ROPN1B: variants seen among roughly 807,000 people sequenced by gnomAD.
ROPN1B encodes the protein rhophilin associated tail protein 1B.
Under a neutral mutation model 23.7 loss-of-function variants are expected in ROPN1B, and 13 were observed. The observed-to-expected ratio is 0.55, with a 90% CI of 0.36 to 0.87. The LOEUF is 0.87. Among genes scored for constraint, ROPN1B ranks in the 40% least tolerant of loss-of-function variants. The pLI is 0.01. For synonymous variants in ROPN1B, 67 were observed against 100.4 expected (o/e 0.67, Z 1.99); for missense variants, 183 against 249.2 (o/e 0.73, Z 1.79).
chr3:125,983,190 C>CATATT, intron 6 of ROPN1B, 64 bp from the exon 7 acceptor site: 1 of 1,095,454 alleles, frequency 9.1e-7, no homozygotes, highest in Non-Finnish European at 1.4e-6. Flanking sequence ...GAGTTGTTTG[C>CATATT]ATATTGTCTT....
chr3:125,983,067 G>T (rs557522740), intron 6 of ROPN1B, among the ~76,000 whole-genome samples, 187 bp from the exon 7 acceptor site: 1 of 152,154 alleles, frequency 6.6e-6, no homozygotes, highest in African/African-American at 2.4e-5. Flanking sequence ...GGCAGAGGTT[G>T]CAGTGAGCCG....
In ROPN1B at chr3:125,971,176, T is replaced by G. The variant is rs377301909; in HGVS notation, c.-13+14T>G. 6 of 153,144 alleles carry G rather than the reference T, an allele frequency of 3.9e-5. No homozygotes were observed. The East Asian group carries it at 5.8e-4, about 15-fold the overall frequency. The allele number at this position is 153,144 out of a possible 1,614,324, so 9.5% of individuals were successfully genotyped here. A position where few individuals can be genotyped will look rare whatever the true frequency, so the allele number is the denominator to read the frequency against. On this transcript the variant is annotated intron_variant, in intron 2 of 6. Coordinates refer to ENST00000514116, the MANE Select transcript of ROPN1B (RefSeq NM_001308313.2). ...ACATGTGCCCAGGTGAGCCCTAGTT[T>G]CTTCATTTGCCCAGCACTGCGGGTT...
chr3:125,970,328 T>TTAAC lies in ROPN1B; in HGVS notation c.-58-788_-58-787insAACT, dbSNP rs1938151046. Among the ~76,000 whole-genome samples the TTAAC allele has an allele frequency of 3.3e-5, 5 of 152,302 alleles. No individual in the cohort carries two copies. The South Asian group carries it at 1.0e-3, about 32-fold the overall frequency. On this transcript the variant is annotated intron_variant, in intron 1 of 6. Transcript: ENST00000514116. ...TCCGAACCCAAACAGGGATGTGCAG[T>TTAAC]TGTCTGTGCTTGGTTCCAAGCCGCT...
At chr3:125,970,902 C>T (rs1046595539) in intron 1 of ROPN1B, among the ~76,000 whole-genome samples, 1 of 152,144 alleles carries the variant, frequency 6.6e-6, no homozygotes, top group Non-Finnish European at 1.5e-5. Context: ...CTACCAACTC[C>T]TGGGGGACTG....
At chr3:125,976,890 G>A (rs1286505251) in intron 4 of ROPN1B, 114 bp from the exon 5 acceptor site, 27 of 753,722 alleles carry the variant, frequency 3.6e-5, no homozygotes, top group East Asian at 3.3e-4. Flanking sequence ...ACCCCCTCCC[G>A]CCCCTTGCCA....
At chr3:125,976,597 C>T (rs1037964405) in intron 4 of ROPN1B, among the ~76,000 whole-genome samples, 3 of 152,172 alleles carry the variant, frequency 2.0e-5, no homozygotes, top group Non-Finnish European at 4.4e-5. Context: ...AGAAACAGAC[C>T]TATGTCTTGT....
At chr3:125,971,197 G>A (rs145460921) in intron 2 of ROPN1B, 35 bp downstream of exon 2, 4 of 152,880 alleles carry the variant, frequency 2.6e-5, no homozygotes, top group African/African-American at 7.2e-5. Context: ...CCAGCACTGC[G>A]GGTTCCCCTT....
chr3:125,979,638 A>G (rs556086071), intron 5 of ROPN1B, among the ~76,000 whole-genome samples: 1 of 152,226 alleles, frequency 6.6e-6, no homozygotes, highest in Non-Finnish European at 1.5e-5. Flanking sequence ...GTATTTTATT[A>G]TAGCTGAGAC....
chr3:125,976,156 T>A (rs1369869951), intron 4 of ROPN1B, among the ~76,000 whole-genome samples: 1 of 152,172 alleles, frequency 6.6e-6, no homozygotes, highest in Non-Finnish European at 1.5e-5. Flanking sequence ...AATGAATGCA[T>A]GAGGAGGGTC....
intron 5 of ROPN1B, among the ~76,000 whole-genome samples, chr3:125,980,616 T>C (rs1287340430): frequency 3.3e-5 from 5 of 152,194 alleles, no homozygotes; most frequent in Non-Finnish European, 7.3e-5. Flanking sequence ...TATGTTCAAA[T>C]ACAATTGCAT....
intron 5 of ROPN1B, among the ~76,000 whole-genome samples, chr3:125,981,236 T>C (rs755485615): frequency 4.6e-5 from 7 of 152,370 alleles, no homozygotes; most frequent in African/African-American, 1.2e-4. Flanking sequence ...CATAGACTTA[T>C]GCTCCTGGGT....
intron 6 of ROPN1B, 114 bp downstream of exon 6, chr3:125,982,559 C>T: frequency 5.1e-6 from 4 of 788,328 alleles, no homozygotes; most frequent in Non-Finnish European, 7.5e-6. Context: ...AAAGTGAGGA[C>T]ATGAAATATC....
intron 5 of ROPN1B, among the ~76,000 whole-genome samples, chr3:125,980,167 A>G (rs573687655): frequency 3.3e-5 from 5 of 152,232 alleles, no homozygotes; most frequent in Non-Finnish European, 7.3e-5. Context: ...GAGAATGAAG[A>G]TCTGTTTCCT....
intron 4 of ROPN1B, among the ~76,000 whole-genome samples, chr3:125,976,548 C>T (rs1938421940): frequency 6.6e-6 from 1 of 152,180 alleles, no homozygotes; most frequent in South Asian, 2.1e-4. Context: ...ATGAGGGATG[C>T]ACTTGAGGTC....
At position 125,983,084 on chromosome 3, in the gene ROPN1B, C is replaced by T. The variant is rs142009310; in HGVS notation, c.573-170C>T. Among the ~76,000 whole-genome samples the T allele has an allele frequency of 7.0e-3, 1,067 of 152,270 alleles. 9 individuals are homozygous for T. The highest frequency in any genetic ancestry group is 0.011 in the Non-Finnish European group (772 of 68,012). On this transcript the variant is annotated intron_variant, in intron 6 of 6. Coordinates refer to ENST00000514116, the MANE Select transcript of ROPN1B (RefSeq NM_001308313.2). ...CAGAGGTTGCAGTGAGCCGAGATTG[C>T]ATCACTTACTCCAGCCTGGACGACA...
In ROPN1B at chr3:125,971,952, TCAAA is replaced by T. The variant is rs906558247; in HGVS notation, c.-12-88_-12-85del. The stretch of plus-strand genomic sequence containing the variant: ...CTTGCGGAGTCCCCAAAATTGAGTG[TCAAA>T]CAGAGGCTGGGTGACCTCCTGTCCA... On this transcript the variant is annotated intron_variant, in intron 2 of 6. Coordinates refer to ENST00000514116, the MANE Select transcript of ROPN1B (RefSeq NM_001308313.2). 43 of 1,230,964 alleles carry T rather than the reference TCAAA, an allele frequency of 3.5e-5. No homozygotes were observed. In the African/African-American group the frequency reaches 4.2e-4, roughly 12 times the overall value. The allele number at this position is 1,230,964 out of a possible 1,614,324, so 76.3% of individuals were successfully genotyped here.
chr3:125,982,154 T>C (rs1275008493), intron 5 of ROPN1B, 116 bp from the exon 6 acceptor site: 1 of 814,408 alleles, frequency 1.2e-6, no homozygotes, highest in African/African-American at 1.8e-5. Context: ...AATCTTAAAT[T>C]GTTCCCACTT....
chr3:125,971,641 G>C (rs1225744491), intron 2 of ROPN1B, among the ~76,000 whole-genome samples: 1 of 152,176 alleles, frequency 6.6e-6, no homozygotes, highest in Non-Finnish European at 1.5e-5. Flanking sequence ...ATAAGAGCTG[G>C]ATGACATGCA....
chr3:125,976,054 C>T (rs1938401459), intron 4 of ROPN1B, among the ~76,000 whole-genome samples: 1 of 152,126 alleles, frequency 6.6e-6, no homozygotes, highest in East Asian at 1.9e-4. Context: ...ATTTTAGCTC[C>T]CCAGTTATCC....
Sources: allele counts gnomAD v4.1 joint callset (sites outside exome capture counted in the v4.1 genomes callset), GRCh38; gene constraint gnomAD v4.1.1; transcripts MANE v1.5; gene names NCBI Gene and HGNC (gene_info 2026-07-23, HGNC 2026-07-21).